The following MYRIP variants were observed in gnomAD, a reference collection of about 807,000 sequenced individuals.
MYRIP encodes myosin VIIA and Rab interacting protein.
In MYRIP, 49 loss-of-function variants were observed where a neutral mutation model predicts 98.0. The observed-to-expected ratio is 0.50, with a 90% confidence interval of 0.40 to 0.63. The LOEUF (loss-of-function observed/expected upper bound fraction) is 0.63, where lower values mean the gene tolerates loss of function less well. MYRIP is among the 30% of genes least tolerant of loss of function. The pLI is 0.00. For synonymous variants in MYRIP, 404 were observed against 409.5 expected (o/e 0.99, Z 0.16); for missense variants, 1,004 against 1,058.2 (o/e 0.95, Z 0.71).
intron 3 of MYRIP, among the ~76,000 whole-genome samples, chr3:40,099,150 G>T (rs1480135155): frequency 6.6e-6 from 1 of 152,168 alleles, no homozygotes; most frequent in Non-Finnish European, 1.5e-5. Context: ...GTAGAAGGGA[G>T]GGGGACCCAC....
chr3:39,894,293 C>T (rs1036614717), intron 1 of MYRIP, among the ~76,000 whole-genome samples: 11 of 152,236 alleles, frequency 7.2e-5, no homozygotes, highest in African/African-American at 2.4e-5. Context: ...AGCCTGGCCC[C>T]ATCTAGCCAC....
At chr3:40,012,697 T>C (rs1477232918) in intron 2 of MYRIP, among the ~76,000 whole-genome samples, 1 of 152,188 alleles carries the variant, frequency 6.6e-6, no homozygotes. Context: ...TGCCACCTTT[T>C]ACCCTGCCTC....
At chr3:39,933,309 T>C (rs1383822647) in intron 2 of MYRIP, among the ~76,000 whole-genome samples, 1 of 152,240 alleles carries the variant, frequency 6.6e-6, no homozygotes, top group Non-Finnish European at 1.5e-5. Flanking sequence ...TGAGTAGTTA[T>C]GATAGAGACT....
intron 1 of MYRIP, among the ~76,000 whole-genome samples, chr3:39,877,890 A>T (rs950292549): frequency 1.3e-5 from 2 of 152,244 alleles, no homozygotes; most frequent in Admixed American, 6.5e-5. Flanking sequence ...AGACAGGGAC[A>T]TATAAGTCTG....
intron 2 of MYRIP, among the ~76,000 whole-genome samples, chr3:40,039,577 A>G (rs997770651): frequency 1.3e-5 from 2 of 152,126 alleles, no homozygotes; most frequent in African/African-American, 2.4e-5. Flanking sequence ...CCATTGGAGT[A>G]GATCCAGGAG....
rs189751300 is a variant in MYRIP, at chr3:40,098,354, A to G, written c.333-52694A>G. Among the ~76,000 whole-genome samples, 210 of 152,272 alleles carry G rather than the reference A, an allele frequency of 1.4e-3. 1 individual carries two copies. Among genetic ancestry groups the G allele is most frequent in the Middle Eastern group, 3.4e-3 (1 of 294 alleles). On this transcript the variant is annotated intron_variant, in intron 3 of 16. Coordinates refer to ENST00000302541, the MANE Select transcript of MYRIP (RefSeq NM_015460.4). ...CCATTTGTAATGCAATACATTCCAT[A>G]AAAGTGTGAGCAGAATTTTGCATGT...
chr3:40,078,027 T>C (rs1948389010), intron 3 of MYRIP, among the ~76,000 whole-genome samples: 1 of 152,082 alleles, frequency 6.6e-6, no homozygotes, highest in Non-Finnish European at 1.5e-5. Context: ...ATGGAGAGGG[T>C]GGGAGGCTCA....
chr3:39,885,748 G>T (rs1943279412), intron 1 of MYRIP, among the ~76,000 whole-genome samples: 9 of 151,764 alleles, frequency 5.9e-5, no homozygotes, highest in Admixed American at 5.9e-4. Context: ...TGATTCATTT[G>T]ATCTTCCATC....
At chr3:39,893,952 T>C (rs2125662718) in intron 1 of MYRIP, among the ~76,000 whole-genome samples, 1 of 152,296 alleles carries the variant, frequency 6.6e-6, no homozygotes, top group South Asian at 2.1e-4. Context: ...ATGAATATCG[T>C]CATATATATC....
At chr3:40,002,124 G>A (rs1348337850) in intron 2 of MYRIP, among the ~76,000 whole-genome samples, 1 of 152,196 alleles carries the variant, frequency 6.6e-6, no homozygotes, top group African/African-American at 2.4e-5. Flanking sequence ...CATGCAAAAG[G>A]CCTTTGATCA....
chr3:40,162,092 C>T (rs1293169557), intron 4 of MYRIP, among the ~76,000 whole-genome samples: 2 of 152,194 alleles, frequency 1.3e-5, no homozygotes, highest in Non-Finnish European at 2.9e-5. Flanking sequence ...CTCCCTACAC[C>T]TCTTGGCTGA....
intron 8 of MYRIP, among the ~76,000 whole-genome samples, chr3:40,176,796 C>T (rs1950770821): frequency 6.6e-6 from 1 of 150,484 alleles, no homozygotes; most frequent in Admixed American, 6.7e-5. Context: ...GTAATCCCAG[C>T]TACTAGGGAG....
At chr3:40,256,118 A>C (rs1313863994) in intron 16 of MYRIP, among the ~76,000 whole-genome samples, 1 of 152,206 alleles carries the variant, frequency 6.6e-6, no homozygotes, top group Non-Finnish European at 1.5e-5. Context: ...CTGATTTTTA[A>C]ATTTTAGTTA....
chr3:39,933,336 A>C (rs555228902), intron 2 of MYRIP, among the ~76,000 whole-genome samples: 109 of 152,360 alleles, frequency 7.2e-4, no homozygotes, highest in Middle Eastern at 3.4e-3. Flanking sequence ...AAAAGCCAAA[A>C]TATTTACTAT....
chr3:39,865,128 C>T (rs181674811), intron 1 of MYRIP, among the ~76,000 whole-genome samples: 109 of 152,244 alleles, frequency 7.2e-4, no homozygotes, highest in African/African-American at 2.4e-3. Flanking sequence ...GGACCCCTTC[C>T]TTACACTATA....
At chr3:40,135,678 T>G (rs1424916376) in intron 3 of MYRIP, among the ~76,000 whole-genome samples, 1 of 152,208 alleles carries the variant, frequency 6.6e-6, no homozygotes, top group Admixed American at 6.5e-5. Flanking sequence ...GACTAACAGC[T>G]GATCTCTCCG....
chr3:40,253,720 G>A (rs1226903013), intron 16 of MYRIP, among the ~76,000 whole-genome samples: 2 of 152,232 alleles, frequency 1.3e-5, no homozygotes, highest in African/African-American at 4.8e-5. Context: ...CAACCTCGAT[G>A]TTGGATCAGG....
At chr3:40,052,261 G>A (rs932656383) in intron 3 of MYRIP, among the ~76,000 whole-genome samples, 1 of 151,578 alleles carries the variant, frequency 6.6e-6, no homozygotes, top group Non-Finnish European at 1.5e-5. Flanking sequence ...CTTTTTTAGC[G>A]CCCACATATG....
At chr3:39,919,346 T>C (rs1213132959) in intron 2 of MYRIP, among the ~76,000 whole-genome samples, 1 of 152,226 alleles carries the variant, frequency 6.6e-6, no homozygotes, top group African/African-American at 2.4e-5. Flanking sequence ...TAGGTCAGAC[T>C]GCAAGGTCCT....
Sources: allele counts gnomAD v4.1 joint callset (sites outside exome capture counted in the v4.1 genomes callset), GRCh38; gene constraint gnomAD v4.1.1; transcripts MANE v1.5; gene names NCBI Gene and HGNC (gene_info 2026-07-23, HGNC 2026-07-21).